The following IPO11 variants were observed in gnomAD, a reference collection of about 807,000 sequenced individuals.
IPO11 encodes importin 11.
A neutral mutation model predicts 143.2 loss-of-function variants in IPO11; 66 were observed. That is an observed-to-expected ratio of 0.46 (90% confidence interval 0.38 to 0.57). The LOEUF (loss-of-function observed/expected upper bound fraction) is 0.57, where lower values mean the gene tolerates loss of function less well. Among genes scored for constraint, IPO11 ranks in the 20% least tolerant of loss-of-function variants. IPO11 has a pLI of 0.00. For missense variants in IPO11, 1,026 were observed against 1,141.0 expected (o/e 0.90, Z 1.45); for synonymous variants, 385 against 377.8 (o/e 1.02, Z -0.22).
intron 27 of IPO11, among the ~76,000 whole-genome samples, chr5:62,570,028 C>A (rs1744082143): frequency 6.6e-6 from 1 of 151,976 alleles, no homozygotes. Flanking sequence ...ACTGGTTTTC[C>A]AGCATAATTT....
At chr5:62,415,131 T>C (rs1393429395) in intron 1 of IPO11, among the ~76,000 whole-genome samples, 3 of 152,192 alleles carry the variant, frequency 2.0e-5, no homozygotes, top group African/African-American at 7.2e-5. Context: ...TGCTAACTGC[T>C]CCTGTTTATC....
chr5:62,436,428 T>TC (rs1744238657), intron 1 of IPO11, among the ~76,000 whole-genome samples: 1 of 152,240 alleles, frequency 6.6e-6, no homozygotes, highest in Non-Finnish European at 1.5e-5. Context: ...ACTGAGAACT[T>TC]CGACTTATTT....
chr5:62,621,156 A>G (rs1437041441), intron 29 of IPO11, among the ~76,000 whole-genome samples: 1 of 152,212 alleles, frequency 6.6e-6, no homozygotes, highest in African/African-American at 2.4e-5. Flanking sequence ...CAGAGTTTCT[A>G]GCCAATGCGA....
chr5:62,510,396 C>T (rs1189308450), intron 19 of IPO11, among the ~76,000 whole-genome samples: 2 of 152,258 alleles, frequency 1.3e-5, no homozygotes, highest in Middle Eastern at 3.4e-3. Flanking sequence ...CATTTGCTTT[C>T]TTTTTATCTA....
At chr5:62,435,088 ATATG>A (rs1458799224) in intron 1 of IPO11, among the ~76,000 whole-genome samples, 1 of 82,724 alleles carries the variant, frequency 1.2e-5, no homozygotes, top group African/African-American at 5.4e-5. Flanking sequence ...ATATGTGTAT[ATATG>A]TATATATGTA....
In IPO11 at chr5:62,525,737, G is replaced by A. The variant is rs116698846; in HGVS notation, c.1897-405G>A. On this transcript the variant is annotated intron_variant, in intron 20 of 29. Transcript: ENST00000325324. ...TATTCTTGAATCTGTTCCATAATTC[G>A]GTTACTTTACTGATGAACATTTAGG... Among the ~76,000 whole-genome samples, 1,392 of 152,042 alleles carry A rather than the reference G, an allele frequency of 9.2e-3. 20 individuals carry two copies. The highest frequency in any genetic ancestry group is 0.032 in the African/African-American group (1,310 of 41,454).
intron 1 of IPO11, among the ~76,000 whole-genome samples, chr5:62,425,257 A>G (rs554511934): frequency 1.3e-4 from 20 of 152,314 alleles, no homozygotes; most frequent in Non-Finnish European, 2.8e-4. Flanking sequence ...GGGGAAAGGA[A>G]CATACTCTTT....
chr5:62,513,419 C>CCG (rs1441290791), intron 19 of IPO11, among the ~76,000 whole-genome samples: 8 of 142,310 alleles, frequency 5.6e-5, no homozygotes, highest in African/African-American at 2.1e-4. Flanking sequence ...CGCTGACCCC[C>CCG]CCCCCACCTC....
rs70981015 is a variant in IPO11, at chr5:62,470,816, C to CTTTTTTTTTT, written c.708+528_708+537dup. ...TTCATTGTCTGTAGATAGCCATCTT[C>CTTTTTTTTTT]TTTTTTTTTTTTTTTTTTTTTTTTT... is the stretch of plus-strand genomic sequence containing the variant. On this transcript the variant is annotated intron_variant, in intron 7 of 29. Transcript: ENST00000325324. Among the ~76,000 whole-genome samples the CTTTTTTTTTT allele has an allele frequency of 4.2e-3, 261 of 62,562 alleles. 40 individuals are homozygous for CTTTTTTTTTT. The highest frequency in any genetic ancestry group is 4.8e-3 in the Non-Finnish European group (178 of 37,154). 41.0% of individuals were successfully genotyped at this position (62,562 alleles called of 152,430 possible). A position where few individuals can be genotyped will look rare whatever the true frequency, so the allele number is the denominator to read the frequency against.
At chr5:62,613,398 G>C (rs544853700) in intron 29 of IPO11, among the ~76,000 whole-genome samples, 1 of 144,344 alleles carries the variant, frequency 6.9e-6, no homozygotes, top group Non-Finnish European at 1.5e-5. Flanking sequence ...TATCTGATGG[G>C]CTCAAGCCAT....
At chr5:62,585,734 G>A (rs1023131947) in intron 27 of IPO11, among the ~76,000 whole-genome samples, 3 of 152,154 alleles carry the variant, frequency 2.0e-5, no homozygotes, top group African/African-American at 7.2e-5. Context: ...TTTTGGAAAG[G>A]TAGGCAGTAG....
intron 27 of IPO11, among the ~76,000 whole-genome samples, chr5:62,568,206 C>T (rs1196848695): frequency 6.6e-6 from 1 of 151,652 alleles, no homozygotes; most frequent in Non-Finnish European, 1.5e-5. Flanking sequence ...TCAAGCTATC[C>T]ACCCACCTCA....
chr5:62,484,488 T>G (rs1227312765), intron 11 of IPO11, among the ~76,000 whole-genome samples: 1 of 152,052 alleles, frequency 6.6e-6, no homozygotes, highest in East Asian at 1.9e-4. Context: ...TTGTGATTCA[T>G]TCCATGTTAT....
intron 1 of IPO11, among the ~76,000 whole-genome samples, chr5:62,436,822 GTTTTC>G (rs1019726866): frequency 7.9e-5 from 12 of 152,204 alleles, no homozygotes; most frequent in Admixed American, 3.9e-4. Context: ...TTCTTTTGCA[GTTTTC>G]TTTTCTTCCT....
chr5:62,480,853 C>T (rs902172175), intron 9 of IPO11, among the ~76,000 whole-genome samples: 1 of 147,190 alleles, frequency 6.8e-6, no homozygotes, highest in Non-Finnish European at 1.5e-5. Flanking sequence ...ATGGGGTTTT[C>T]TAAATGTACA....
chr5:62,436,749 A>T (rs187371487), intron 1 of IPO11, among the ~76,000 whole-genome samples: 10 of 152,324 alleles, frequency 6.6e-5, no homozygotes, highest in Admixed American at 6.5e-4. Context: ...AATGATTTGG[A>T]GATGCACCAT....
chr5:62,533,216 T>C (rs1742619351), intron 22 of IPO11, among the ~76,000 whole-genome samples: 1 of 15,292 alleles, frequency 6.5e-5, no homozygotes, highest in South Asian at 2.8e-3. Context: ...TTCTTTCTTC[T>C]TTTTTTTTTT....
At chr5:62,521,191 G>T (rs1333010985) in intron 20 of IPO11, among the ~76,000 whole-genome samples, 1 of 152,154 alleles carries the variant, frequency 6.6e-6, no homozygotes, top group Non-Finnish European at 1.5e-5. Flanking sequence ...TGCGCATCAT[G>T]TCATATCTTT....
intron 28 of IPO11, among the ~76,000 whole-genome samples, chr5:62,600,407 G>T (rs1292285689): frequency 2.0e-5 from 3 of 152,158 alleles, no homozygotes; most frequent in Non-Finnish European, 4.4e-5. Context: ...ATATGAGTAA[G>T]TTAACAGATT....
Sources: allele counts gnomAD v4.1 joint callset (sites outside exome capture counted in the v4.1 genomes callset), GRCh38; gene constraint gnomAD v4.1.1; transcripts MANE v1.5; gene names NCBI Gene and HGNC (gene_info 2026-07-23, HGNC 2026-07-21).